SLC9A4: variants seen among roughly 807,000 people sequenced by gnomAD.
SLC9A4 encodes sodium/hydrogen exchanger 4.
Under a neutral mutation model 67.4 loss-of-function variants are expected in SLC9A4, and 63 were observed. The observed-to-expected ratio is 0.93, with a 90% confidence interval of 0.76 to 1.15. SLC9A4 has a LOEUF of 1.15. Among genes scored for constraint, SLC9A4 ranks in the 50% most tolerant of loss-of-function variants. The pLI is 0.00. For missense variants in SLC9A4, 1,089 were observed against 987.7 expected (o/e 1.10, Z -1.38); for synonymous variants, 393 against 367.2 (o/e 1.07, Z -0.80).
intron 8 of SLC9A4, among the ~76,000 whole-genome samples, chr2:102,517,107 A>G (rs1274153205): frequency 1.3e-5 from 2 of 152,138 alleles, no homozygotes; most frequent in African/African-American, 2.4e-5. Context: ...TCACTTCCAC[A>G]ATGGAACACT....
chr2:102,526,215 T>G, intron 10 of SLC9A4, 44 bp from the exon 11 acceptor site: 3 of 1,591,594 alleles, frequency 1.9e-6, no homozygotes, highest in South Asian at 1.1e-5. Context: ...AGCTCTTAAT[T>G]GAGACAGCTT....
intron 2 of SLC9A4, among the ~76,000 whole-genome samples, chr2:102,488,917 C>A (rs903910770): frequency 1.3e-5 from 2 of 152,176 alleles, no homozygotes; most frequent in African/African-American, 4.8e-5. Flanking sequence ...CCCCTGAGTT[C>A]TAATCCTCCA....
intron 8 of SLC9A4, among the ~76,000 whole-genome samples, 169 bp from the exon 9 acceptor site, chr2:102,519,690 A>G (rs1373800924): frequency 2.0e-5 from 3 of 152,218 alleles, no homozygotes; most frequent in Non-Finnish European, 4.4e-5. Context: ...TGAAGTCAAG[A>G]CATGTGTTTT....
intron 8 of SLC9A4, among the ~76,000 whole-genome samples, chr2:102,515,657 A>T (rs1266075814): frequency 6.6e-6 from 1 of 151,952 alleles, no homozygotes; most frequent in Non-Finnish European, 1.5e-5. Context: ...AAATGTTGAT[A>T]TTATATTCAT....
At position 102,473,701 on chromosome 2, in the gene SLC9A4, C is replaced by G; in HGVS notation, c.-59C>G. 6.3e-7 allele frequency: 1 copy of G among 1,585,596 alleles called. No homozygotes were observed. The highest frequency in any genetic ancestry group is 8.6e-7 in the Non-Finnish European group (1 of 1,167,210). On this transcript the variant is annotated 5_prime_UTR_variant, in exon 1 of 12. Transcript: ENST00000295269. ...TGCAGTCACTCTCTAGAAGCCTCCC[C>G]GACTTCAGATGTGTGGCACACATCC... is the stretch of plus-strand genomic sequence containing the variant.
At chr2:102,492,392 A>G (rs1418801339) in intron 2 of SLC9A4, among the ~76,000 whole-genome samples, 2 of 152,254 alleles carry the variant, frequency 1.3e-5, no homozygotes. Context: ...ATTACCATAC[A>G]TTCTATGAAA....
intron 4 of SLC9A4, among the ~76,000 whole-genome samples, chr2:102,507,303 T>C (rs1256011077): frequency 6.6e-6 from 1 of 152,236 alleles, no homozygotes; most frequent in Non-Finnish European, 1.5e-5. Context: ...CACATGAGGA[T>C]GTGGAGAGTT....
intron 6 of SLC9A4, among the ~76,000 whole-genome samples, chr2:102,509,355 G>A (rs1449882407): frequency 1.3e-5 from 2 of 152,182 alleles, no homozygotes; most frequent in Non-Finnish European, 1.5e-5. Context: ...TCCCACTGCA[G>A]CCACGTGGAT....
chr2:102,490,291 C>T (rs1200258661), intron 2 of SLC9A4, among the ~76,000 whole-genome samples: 1 of 152,158 alleles, frequency 6.6e-6, no homozygotes, highest in Non-Finnish European at 1.5e-5. Flanking sequence ...GATTGGGGGG[C>T]TGAAACAATC....
intron 2 of SLC9A4, among the ~76,000 whole-genome samples, chr2:102,486,717 G>T (rs76882276): frequency 6.6e-6 from 1 of 152,066 alleles, no homozygotes; most frequent in African/African-American, 2.4e-5. Flanking sequence ...TATGTAAGAT[G>T]AGAATGATTA....
chr2:102,530,070 GA>G (rs1250622067), intron 11 of SLC9A4, among the ~76,000 whole-genome samples: 8 of 152,128 alleles, frequency 5.3e-5, no homozygotes, highest in African/African-American at 9.6e-5. Flanking sequence ...ATAGTTAGAT[GA>G]AAAAAATGGT....
At position 102,479,058 on chromosome 2, in the gene SLC9A4, T is replaced by G. The variant is rs752061097; in HGVS notation, c.476T>G (p.Leu159Arg). The G allele has an allele frequency of 6.2e-7, 1 of 1,614,138 alleles. No homozygotes were observed. The highest frequency in any genetic ancestry group is 8.5e-7 in the Non-Finnish European group (1 of 1,180,030). Residue 159 changes from leucine to arginine, a missense_variant, in exon 2 of 12, where the codon CTG becomes CGG. Leu to Arg is a moderately radical substitution (Grantham distance 102). Transcript: ENST00000295269. ...RPFFENIGSI[L>R]WWAVLGALIN... is the part of the protein sequence containing the mutation. Reference sequence around the variant, plus strand: ...TTCTTTGAGAACATCGGCTCCATCCTGTGGTGGGCAGTATTGGGGGCCCTG... The same window carrying G: ...TTCTTTGAGAACATCGGCTCCATCCGGTGGTGGGCAGTATTGGGGGCCCTG...
chr2:102,495,073 A>G (rs1684779042), intron 2 of SLC9A4, among the ~76,000 whole-genome samples: 1 of 152,098 alleles, frequency 6.6e-6, no homozygotes, highest in South Asian at 2.1e-4. Context: ...AAAAATGGCC[A>G]TACATTTGAC....
rs74767799 is a variant in SLC9A4 at position 102,480,265 on chromosome 2, T to C, written c.720+963T>C. 2.6e-3 allele frequency among the ~76,000 whole-genome samples: 392 copies of C among 152,248 alleles called. 2 individuals are homozygous for C. The highest frequency in any genetic ancestry group is 8.9e-3 in the African/African-American group (370 of 41,538). On this transcript the variant is annotated intron_variant, in intron 2 of 11. Transcript: ENST00000295269. ...TATGCATATACAACATTTTTGCAAATCTTTTATCATCTATGTGTGTGTGAT... is the reference window on the plus strand; with the variant it reads ...TATGCATATACAACATTTTTGCAAACCTTTTATCATCTATGTGTGTGTGAT...
intron 2 of SLC9A4, among the ~76,000 whole-genome samples, chr2:102,486,315 G>A (rs971540443): frequency 2.0e-5 from 3 of 152,184 alleles, no homozygotes; most frequent in Non-Finnish European, 4.4e-5. Context: ...ATTCAAAATA[G>A]CACGTGGCAC....
rs755313341 is a variant in SLC9A4, at chr2:102,473,730, C to G, written c.-30C>G. 6.8e-6 allele frequency: 11 copies of G among 1,610,012 alleles called. No homozygotes were observed. The highest frequency in any genetic ancestry group is 9.3e-6 in the Non-Finnish European group (11 of 1,178,458). On this transcript the variant is annotated 5_prime_UTR_variant, in exon 1 of 12. Transcript: ENST00000295269. ...TTCAGATGTGTGGCACACATCCACA[C>G]AGGGGTGTAGGTAGGAGAAGCCCAC...
At chr2:102,475,541 C>T (rs1296735358) in intron 1 of SLC9A4, among the ~76,000 whole-genome samples, 4 of 152,190 alleles carry the variant, frequency 2.6e-5, no homozygotes, top group Non-Finnish European at 4.4e-5. Context: ...CACCCAGATT[C>T]ATTCTGTCTA....
At chr2:102,512,608 G>A (rs1031690855) in intron 7 of SLC9A4, among the ~76,000 whole-genome samples, 3 of 152,192 alleles carry the variant, frequency 2.0e-5, no homozygotes, top group African/African-American at 7.2e-5. Context: ...GCTTAGAAAA[G>A]GAGTTTAGAA....
chr2:102,533,308 C>A lies in SLC9A4; in HGVS notation c.*620C>A, dbSNP rs1450441507. 1 of 152,304 alleles carries A rather than the reference C, an allele frequency of 6.6e-6. No individual in the cohort carries two copies. The highest frequency in any genetic ancestry group is 2.4e-5 in the African/African-American group (1 of 41,400). The allele number at this position is 152,304 out of a possible 1,614,324, so 9.4% of individuals were successfully genotyped here. A position where few individuals can be genotyped will look rare whatever the true frequency, so the allele number is the denominator to read the frequency against. ...ATGTGATGCATACTATAGGATTAAT[C>A]TGTGAACAATGGGTTTACGGTCTAT... is the stretch of plus-strand genomic sequence containing the variant. On this transcript the variant is annotated 3_prime_UTR_variant, in exon 12 of 12. Coordinates refer to ENST00000295269, the MANE Select transcript of SLC9A4 (RefSeq NM_001011552.4).
Sources: gnomAD v4.1 joint callset for allele counts (sites outside exome capture counted in the v4.1 genomes callset) on GRCh38, gnomAD v4.1.1 for gene constraint, MANE v1.5 for transcripts, NCBI Gene and HGNC (gene_info 2026-07-23, HGNC 2026-07-21) for gene names.